CREB1: variants seen among roughly 807,000 people sequenced by gnomAD.
CREB1 encodes the protein cyclic AMP-responsive element-binding protein 1.
Under a neutral mutation model 42.0 loss-of-function variants are expected in CREB1, and 2 were observed. The observed-to-expected ratio is 0.05, with a 90% CI of 0.02 to 0.15. The LOEUF (loss-of-function observed/expected upper bound fraction) is 0.15. Among genes scored for constraint, CREB1 ranks in the 10% least tolerant of loss-of-function variants. The pLI is 1.00. For missense variants in CREB1, 199 were observed against 388.9 expected (o/e 0.51, Z 4.11); for synonymous variants, 123 against 139.9 (o/e 0.88, Z 0.85).
rs1173884935 is a variant in CREB1 at position 207,604,454 on chromosome 2, T to C, written c.*7396T>C. Among the ~76,000 whole-genome samples the C allele has an allele frequency of 6.9e-6, 1 of 144,524 alleles. No individual in the cohort carries two copies. Among genetic ancestry groups the C allele is most frequent in the Non-Finnish European group, 1.5e-5 (1 of 66,592 alleles). 94.8% of individuals were successfully genotyped at this position (144,524 alleles called of 152,430 possible). ...AAAAGCACTACCTTAATCAGTGTTATCCTTCTTCTTAACTGTGCGTCCTAA... is the reference window on the plus strand; with the variant it reads ...AAAAGCACTACCTTAATCAGTGTTACCCTTCTTCTTAACTGTGCGTCCTAA... On this transcript the variant is annotated 3_prime_UTR_variant, in exon 8 of 8. Coordinates refer to ENST00000353267, the MANE Select transcript of CREB1 (RefSeq NM_004379.5).
At chr2:207,586,442 G>C (rs2551646) in intron 7 of CREB1, among the ~76,000 whole-genome samples, 23,681 of 152,076 alleles carry the variant, frequency 0.16, 2,038 homozygotes, top group Middle Eastern at 0.21. Flanking sequence ...TTAAACATAA[G>C]ACCCCAAACT....
intron 7 of CREB1, among the ~76,000 whole-genome samples, chr2:207,585,356 A>C (rs2083633910): frequency 6.6e-6 from 1 of 152,222 alleles, no homozygotes; most frequent in South Asian, 2.1e-4. Context: ...AATCATACAG[A>C]GACAACACAT....
intron 5 of CREB1, among the ~76,000 whole-genome samples, chr2:207,570,633 G>A (rs2082318091): frequency 6.6e-6 from 1 of 152,044 alleles, no homozygotes; most frequent in East Asian, 1.9e-4. Context: ...GGCCTCATGT[G>A]TTGAGAGAAC....
At chr2:207,591,354 C>G (rs2084987309) in intron 7 of CREB1, among the ~76,000 whole-genome samples, 1 of 152,162 alleles carries the variant, frequency 6.6e-6, no homozygotes, top group South Asian at 2.1e-4. Context: ...TAATGTCTTT[C>G]TTTATCCCTG....
In CREB1 at chr2:207,604,473, G is replaced by A. The variant is rs2087715244; in HGVS notation, c.*7415G>A. Among the ~76,000 whole-genome samples, 11 of 94,786 alleles carry A rather than the reference G, an allele frequency of 1.2e-4. No individual in the cohort carries two copies. In the Admixed American group the frequency reaches 1.4e-3, roughly 12 times the overall value. The allele number at this position is 94,786 out of a possible 152,430, so 62.2% of individuals were successfully genotyped here. A position where few individuals can be genotyped will look rare whatever the true frequency, so the allele number is the denominator to read the frequency against. The stretch of plus-strand genomic sequence containing the variant: ...GTGTTATCCTTCTTCTTAACTGTGC[G>A]TCCTAATTTCTCCACATCTTTCTTA... On this transcript the variant is annotated 3_prime_UTR_variant, in exon 8 of 8. Coordinates refer to ENST00000353267, the MANE Select transcript of CREB1 (RefSeq NM_004379.5).
intron 7 of CREB1, among the ~76,000 whole-genome samples, chr2:207,590,278 C>G (rs1043109622): frequency 6.6e-6 from 1 of 151,592 alleles, no homozygotes; most frequent in Non-Finnish European, 1.5e-5. Context: ...GATGTCCCCC[C>G]GCTTCATTCC....
chr2:207,548,659 G>C (rs538308769), intron 1 of CREB1, among the ~76,000 whole-genome samples: 1 of 152,112 alleles, frequency 6.6e-6, no homozygotes, highest in Non-Finnish European at 1.5e-5. Flanking sequence ...GCTGAGGCAG[G>C]AGAATCACTT....
At chr2:207,590,616 G>A (rs997065734) in intron 7 of CREB1, among the ~76,000 whole-genome samples, 2 of 151,804 alleles carry the variant, frequency 1.3e-5, no homozygotes, top group African/African-American at 4.8e-5. Context: ...AGTTTCTTAA[G>A]ACAATAGTTG....
intron 7 of CREB1, among the ~76,000 whole-genome samples, chr2:207,587,624 A>G (rs1249836149): frequency 1.3e-5 from 2 of 152,300 alleles, no homozygotes; most frequent in East Asian, 3.9e-4. Context: ...AAAAGAATGA[A>G]AATACATCAT....
At position 207,604,488 on chromosome 2, in the gene CREB1, CATCT is replaced by C. The variant is rs1314410410; in HGVS notation, c.*7431_*7434del. Among the ~76,000 whole-genome samples the C allele has an allele frequency of 2.2e-5, 1 of 46,018 alleles. No individual in the cohort carries two copies. Among genetic ancestry groups the C allele is most frequent in the African/African-American group, 8.0e-5 (1 of 12,434 alleles). 30.2% of individuals were successfully genotyped at this position (46,018 alleles called of 152,430 possible). ...TTAACTGTGCGTCCTAATTTCTCCA[CATCT>C]TTCTTAAGTGCAGTGACCAAACCGG... On this transcript the variant is annotated 3_prime_UTR_variant, in exon 8 of 8. Coordinates refer to ENST00000353267, the MANE Select transcript of CREB1 (RefSeq NM_004379.5).
chr2:207,578,303 A>G (rs528889387), intron 7 of CREB1, among the ~76,000 whole-genome samples: 1 of 152,380 alleles, frequency 6.6e-6, no homozygotes, highest in South Asian at 2.1e-4. Flanking sequence ...AACAATAAAA[A>G]TAAGTTACTA....
chr2:207,547,083 C>T (rs1282959415), intron 1 of CREB1, among the ~76,000 whole-genome samples: 1 of 152,152 alleles, frequency 6.6e-6, no homozygotes, highest in African/African-American at 2.4e-5. Flanking sequence ...AGTTAGCTAA[C>T]ACCAGAATTC....
chr2:207,539,227 T>G (rs928133634), intron 1 of CREB1, among the ~76,000 whole-genome samples: 2 of 146,468 alleles, frequency 1.4e-5, no homozygotes, highest in African/African-American at 2.6e-5. Context: ...TTTTTTTTTG[T>G]ATTTTTAGTA....
chr2:207,555,099 G>A (rs988993223), intron 1 of CREB1, among the ~76,000 whole-genome samples: 1 of 152,046 alleles, frequency 6.6e-6, no homozygotes, highest in African/African-American at 2.4e-5. Context: ...GGCTTGAAAC[G>A]GGCTGATTTT....
intron 3 of CREB1, among the ~76,000 whole-genome samples, chr2:207,562,338 C>T (rs553250068): frequency 6.6e-6 from 1 of 152,300 alleles, no homozygotes; most frequent in South Asian, 2.1e-4. Flanking sequence ...ACTTAAGTTA[C>T]AGCCACAAAA....
chr2:207,581,715 A>T, intron 7 of CREB1: 1 of 602,532 alleles, frequency 1.7e-6, no homozygotes, highest in African/African-American at 1.9e-5. Flanking sequence ...ACCAGGGTAC[A>T]TTTATCAAAA....
chr2:207,584,838 A>G (rs1049780899), intron 7 of CREB1, among the ~76,000 whole-genome samples: 1 of 152,178 alleles, frequency 6.6e-6, no homozygotes, highest in African/African-American at 2.4e-5. Flanking sequence ...TGTCAGAGCA[A>G]GTATTTTCTT....
chr2:207,549,967 C>T (rs1223093107), intron 1 of CREB1, among the ~76,000 whole-genome samples: 1 of 147,614 alleles, frequency 6.8e-6, no homozygotes, highest in Non-Finnish European at 1.5e-5. Context: ...GAGACTCCAT[C>T]TCAAAAAAAA....
At chr2:207,559,691 C>G (rs1239292680) in intron 2 of CREB1, among the ~76,000 whole-genome samples, 1 of 152,144 alleles carries the variant, frequency 6.6e-6, no homozygotes, top group Admixed American at 6.5e-5. Flanking sequence ...GTCAGGTTTG[C>G]TTATGCTTGA....
Sources: allele counts gnomAD v4.1 joint callset (sites outside exome capture counted in the v4.1 genomes callset), GRCh38; gene constraint gnomAD v4.1.1; transcripts MANE v1.5; gene names NCBI Gene and HGNC (gene_info 2026-07-23, HGNC 2026-07-21).